The following UPRT variants were observed in gnomAD, a reference collection of about 807,000 sequenced individuals.
The protein encoded by UPRT is RP11-311P8.3.
A neutral mutation model predicts 22.6 loss-of-function variants in UPRT; 5 were observed. The ratio of observed to expected loss-of-function variants is 0.22; its 90% CI spans 0.12 to 0.47. The LOEUF is 0.47. UPRT is among the 20% of genes least tolerant of loss of function. UPRT has a pLI of 0.99. For synonymous variants in UPRT, 77 were observed against 87.7 expected (o/e 0.88, Z 0.68); for missense variants, 181 against 239.9 (o/e 0.75, Z 1.62).
At chrX:75,270,307 G>A (rs758199590), upstream of UPRT, among the ~76,000 whole-genome samples, 17 of 111,751 alleles carry the variant, frequency 1.5e-4, no homozygotes, top group South Asian at 3.7e-4. Context: ...ACTGTTGGTC[G>A]GAGTGTAAAT....
chrX:75,257,975 A>T (rs2082554535), intron 4 of UPRT, among the ~76,000 whole-genome samples: 1 of 110,439 alleles, frequency 9.1e-6, no homozygotes, highest in African/African-American at 3.3e-5. Flanking sequence ...TCACCCAGGA[A>T]GCAAAATTGG....
chrX:75,299,647 A>G (rs950377554), intron 4 of UPRT, 88 bp from the exon 5 acceptor site: 1 of 924,304 alleles, frequency 1.1e-6, no homozygotes. Flanking sequence ...TTTTTGTATT[A>G]ATAACAGTGA....
chrX:75,270,808 G>A (rs2082605949), upstream of UPRT, among the ~76,000 whole-genome samples: 1 of 111,269 alleles, frequency 9.0e-6, no homozygotes, highest in African/African-American at 3.3e-5. Context: ...TAATGTAGGC[G>A]ATGGGTTGAT....
At chrX:75,267,815 TCC>T (rs1235812465) in intron 4 of UPRT, among the ~76,000 whole-genome samples, 2 of 110,812 alleles carry the variant, frequency 1.8e-5, no homozygotes, top group Non-Finnish European at 3.8e-5. Context: ...GCAGGAAAGA[TCC>T]AAAATCAACA....
At chrX:75,235,503 A>G (rs1325554073) in intron 4 of UPRT, among the ~76,000 whole-genome samples, 3 of 111,796 alleles carry the variant, frequency 2.7e-5, no homozygotes, top group Non-Finnish European at 5.6e-5. Flanking sequence ...ATTTTAGACC[A>G]ATATCCTTGA....
intron 4 of UPRT, among the ~76,000 whole-genome samples, chrX:75,259,884 C>G (rs2082562118): frequency 8.9e-6 from 1 of 111,785 alleles, no homozygotes; most frequent in Non-Finnish European, 1.9e-5. Context: ...AAAGGGGAAG[C>G]CCATCAGACT....
At chrX:75,265,259 A>G (rs1276539017) in intron 4 of UPRT, among the ~76,000 whole-genome samples, 2 of 111,904 alleles carry the variant, frequency 1.8e-5, no homozygotes, top group African/African-American at 6.5e-5. Flanking sequence ...CTCCTGGAGA[A>G]TATCCTGCAG....
chrX:75,271,537 A>G (rs1402617003), upstream of UPRT, among the ~76,000 whole-genome samples: 4 of 112,527 alleles, frequency 3.6e-5, no homozygotes, highest in East Asian at 1.1e-3. Context: ...GAAACTATAA[A>G]AATTCTAGAA....
chrX:75,290,496 G>T (rs1392278262), intron 1 of UPRT, among the ~76,000 whole-genome samples: 1 of 111,724 alleles, frequency 9.0e-6, no homozygotes, highest in Non-Finnish European at 1.9e-5. Context: ...ACACGCACTT[G>T]TATGTTCATC....
intron 2 of UPRT, among the ~76,000 whole-genome samples, chrX:75,163,091 T>G (rs1384440485): frequency 8.9e-6 from 1 of 111,986 alleles, no homozygotes; most frequent in Non-Finnish European, 1.9e-5. Context: ...GGTCCCTCTC[T>G]CAAACTCACT....
intron 4 of UPRT, among the ~76,000 whole-genome samples, chrX:75,187,094 G>T (rs868837976): frequency 2.7e-5 from 3 of 111,637 alleles, no homozygotes; most frequent in Non-Finnish European, 5.6e-5. Flanking sequence ...TTGCTCGTTA[G>T]TTGATGCATT....
At chrX:75,243,048 A>AT (rs762164646) in intron 4 of UPRT, among the ~76,000 whole-genome samples, 255 of 109,670 alleles carry the variant, frequency 2.3e-3, no homozygotes, top group African/African-American at 7.7e-3. Context: ...GAAATTTCTC[A>AT]TTTTTTTTTC....
Position 75,274,640 on chromosome X carries a change from A to G in UPRT, c.386A>G (p.Lys129Arg). ...GAGCTACAGACCATCATCCGTGACA[A>G]GTAAGCCAAGAGCGGAAGGGGAAAG... ...IRELQTIIRD[K>R]TASRGDFMFS... The change falls in exon 1 of 7, where the codon AAG becomes AGG. Residue 129 changes from lysine (K) to arginine (R), a missense_variant and splice_region_variant. Coordinates refer to ENST00000373383, the MANE Select transcript of UPRT (RefSeq NM_145052.4). 8.4e-7 allele frequency: 1 copy of G among 1,187,357 alleles called. No individual in the cohort carries two copies. Among genetic ancestry groups the G allele is most frequent in the Non-Finnish European group, 1.1e-6 (1 of 881,892 alleles).
chrX:75,238,298 C>G (rs769395479), intron 4 of UPRT, among the ~76,000 whole-genome samples: 1 of 111,154 alleles, frequency 9.0e-6, no homozygotes, highest in Non-Finnish European at 1.9e-5. Context: ...ATATTCCATA[C>G]AAATAGACAC....
At chrX:75,287,946 A>G (rs776963468) in intron 1 of UPRT, among the ~76,000 whole-genome samples, 3 of 111,360 alleles carry the variant, frequency 2.7e-5, no homozygotes, top group Admixed American at 9.5e-5. Flanking sequence ...ACAAAGGAAA[A>G]AAAGGGAGAA....
chrX:75,240,745 C>A (rs756700688), intron 4 of UPRT, among the ~76,000 whole-genome samples: 1 of 111,488 alleles, frequency 9.0e-6, no homozygotes, highest in South Asian at 3.7e-4. Flanking sequence ...TAGACTAATG[C>A]AGCATAATAG....
At chrX:75,236,207 AAG>A (rs1334659741) in intron 4 of UPRT, among the ~76,000 whole-genome samples, 2 of 111,652 alleles carry the variant, frequency 1.8e-5, no homozygotes, top group African/African-American at 3.3e-5. Context: ...AATTGCTTCA[AAG>A]AGAATAAAAT....
intron 4 of UPRT, among the ~76,000 whole-genome samples, chrX:75,186,923 T>C (rs376987560): frequency 4.5e-5 from 5 of 111,674 alleles, no homozygotes; most frequent in African/African-American, 6.5e-5. Context: ...TGTCTCTGCA[T>C]GTGAGATGGG....
intron 3 of UPRT, among the ~76,000 whole-genome samples, chrX:75,165,425 A>G (rs1366048178): frequency 1.8e-5 from 2 of 112,032 alleles, no homozygotes; most frequent in Non-Finnish European, 3.8e-5. Context: ...TCTATGTATA[A>G]CAAGGAATGT....
Sources: gnomAD v4.1 joint callset for allele counts (sites outside exome capture counted in the v4.1 genomes callset) on GRCh38, gnomAD v4.1.1 for gene constraint, MANE v1.5 for transcripts, NCBI Gene and HGNC (gene_info 2026-07-23, HGNC 2026-07-21) for gene names.